Variants in AXIN1 observed in about 807,000 individuals in gnomAD.
AXIN1 encodes the protein axin 1.
Under a neutral mutation model 76.4 loss-of-function variants are expected in AXIN1, and 30 were observed. The observed-to-expected ratio is 0.39, with a 90% CI of 0.29 to 0.53. The LOEUF is 0.53. AXIN1 is among the 20% of genes least tolerant of loss of function. The probability of loss-of-function intolerance (pLI) is 0.66; values close to 1 mark genes in which losing one functional copy is unlikely to be tolerated. For synonymous variants in AXIN1, 545 were observed against 501.4 expected, an observed-to-expected ratio of 1.09 and a Z score of -1.16; for missense variants, 1,140 against 1,198.8, an observed-to-expected ratio of 0.95 and a Z score of 0.72.
intron 8 of AXIN1, 101 bp from the exon 9 acceptor site, chr16:291,398 A>C: frequency 9.5e-7 from 1 of 1,051,194 alleles, no homozygotes; most frequent in Non-Finnish European, 1.4e-6. Context: ...CGGAGCGTGA[A>C]GGGCCCGAAC....
rs141263019 is a variant in AXIN1, at chr16:327,279, T to C, written c.879-12596A>G. On this transcript the variant is annotated intron_variant, in intron 2 of 10. Coordinates refer to ENST00000262320, the MANE Select transcript of AXIN1 (RefSeq NM_003502.4). ...CAGGTGATGGGCTGACCAGACAGCA[T>C]TGAATGACCATGGGGCAGGGCACTC... 2.5e-3 allele frequency among the ~76,000 whole-genome samples: 376 copies of C among 152,124 alleles called. 4 individuals are homozygous for C. Among genetic ancestry groups the C allele is most frequent in the Admixed American group, 0.017 (257 of 15,280 alleles).
chr16:305,527 C>T (rs1240790370), intron 4 of AXIN1, among the ~76,000 whole-genome samples: 1 of 151,886 alleles, frequency 6.6e-6, no homozygotes, highest in Non-Finnish European at 1.5e-5. Flanking sequence ...TACCATATAG[C>T]TTGTTTGTTT....
At chr16:288,668 CGCCAGGCTCT>C (rs906432437) in intron 10 of AXIN1, among the ~76,000 whole-genome samples, 9 of 152,240 alleles carry the variant, frequency 5.9e-5, no homozygotes, top group African/African-American at 1.7e-4. Context: ...GGGAACCACC[CGCCAGGCTCT>C]GCCAGGCTCT....
At chr16:333,512 A>ATTTT (rs1162732283) in intron 2 of AXIN1, among the ~76,000 whole-genome samples, 1 of 152,058 alleles carries the variant, frequency 6.6e-6, no homozygotes, top group African/African-American at 2.4e-5. Flanking sequence ...GCACGATGAA[A>ATTTT]GAAAAAAGCC....
intron 7 of AXIN1, among the ~76,000 whole-genome samples, chr16:294,064 G>A (rs2052642712): frequency 6.6e-6 from 1 of 152,126 alleles, no homozygotes; most frequent in Non-Finnish European, 1.5e-5. Flanking sequence ...TGGAGGCTGG[G>A]GCCCGAGAAT....
chr16:290,800 C>T (rs553028695), intron 9 of AXIN1: 3 of 373,338 alleles, frequency 8.0e-6, no homozygotes, highest in Non-Finnish European at 1.6e-5. Context: ...CCCCGGGCAC[C>T]TCAGCACCTG....
chr16:335,320 C>T (rs369501893), intron 2 of AXIN1, among the ~76,000 whole-genome samples: 2 of 152,162 alleles, frequency 1.3e-5, no homozygotes, highest in African/African-American at 4.8e-5. Context: ...AGGCACACCT[C>T]GGCCACTAGT....
At chr16:335,871 A>T (rs1186692889) in intron 2 of AXIN1, among the ~76,000 whole-genome samples, 1 of 152,242 alleles carries the variant, frequency 6.6e-6, no homozygotes, top group African/African-American at 2.4e-5. Context: ...TTTAAGTTGG[A>T]AAGTAAAATA....
In AXIN1 at chr16:289,091, T is replaced by C. The variant is rs557584282; in HGVS notation, c.2462+349A>G. ...GGAAGCCCTTTTTCTTCTTTTTTTT[T>C]TTTTGGGCGGGGGTAGAGACAGAGT... On this transcript the variant is annotated intron_variant, in intron 10 of 10. Transcript: ENST00000262320. 1.1e-4 allele frequency among the ~76,000 whole-genome samples: 16 copies of C among 151,830 alleles called. 1 individual carries two copies. The South Asian group carries it at 1.2e-3, about 12-fold the overall frequency.
rs976176756 is a variant in AXIN1, at chr16:322,077, C to A, written c.879-7394G>T. Among the ~76,000 whole-genome samples, 17 of 152,312 alleles carry A rather than the reference C, an allele frequency of 1.1e-4. 1 individual carries two copies. The highest frequency in any genetic ancestry group is 7.7e-4 in the East Asian group (4 of 5,188). On this transcript the variant is annotated intron_variant, in intron 2 of 10. Transcript: ENST00000262320. The stretch of plus-strand genomic sequence containing the variant: ...AGCTGGACATGAAGACGGAGGTGGC[C>A]GCACAGACCCAAAGATGCACGACCT...
At chr16:308,373 G>A (rs1281613905) in intron 4 of AXIN1, among the ~76,000 whole-genome samples, 26 of 152,242 alleles carry the variant, frequency 1.7e-4, no homozygotes, top group Admixed American at 1.6e-3. Context: ...ACCCTTCTGA[G>A]GGGAGGTTGT....
In AXIN1 at chr16:346,764, A is replaced by T. The variant is rs2141706706; in HGVS notation, c.262T>A (p.Ser88Thr). Reference sequence around the variant, plus strand: ...TGGTCATCCAGCAGGGAATGCAGTGACTCAGCCCACTTCAAGTATGGTGGG... The same window carrying T: ...TGGTCATCCAGCAGGGAATGCAGTGTCTCAGCCCACTTCAAGTATGGTGGG... ...PTPPYLKWAESLHSLLDDQDG... is the reference protein window; with the variant it reads ...PTPPYLKWAETLHSLLDDQDG... Residue 88 changes from serine to threonine, a missense_variant, in exon 2 of 11, where the codon TCA becomes ACA. By Grantham distance (58) the Ser-to-Thr change is moderately conservative (BLOSUM62 1). Coordinates refer to ENST00000262320, the MANE Select transcript of AXIN1 (RefSeq NM_003502.4). The T allele has an allele frequency of 6.2e-7, 1 of 1,608,554 alleles. No individual in the cohort carries two copies. The highest frequency in any genetic ancestry group is 1.1e-5 in the South Asian group (1 of 90,692).
rs148805888 is a variant in AXIN1, at chr16:336,070, G to A, written c.878+10078C>T. Among the ~76,000 whole-genome samples the A allele has an allele frequency of 9.6e-3, 1,464 of 152,182 alleles. 12 individuals are homozygous for A. The highest frequency in any genetic ancestry group is 0.017 in the South Asian group (84 of 4,832). On this transcript the variant is annotated intron_variant, in intron 2 of 10. Transcript: ENST00000262320. The stretch of plus-strand genomic sequence containing the variant: ...GCCAACATGGTAAAACCTGGTCTCT[G>A]CTAAAAATACAAAAATTAGCTGGGT...
chr16:314,598 C>G lies in AXIN1; in HGVS notation c.964G>C (p.Glu322Gln), dbSNP rs377639730. The G allele has an allele frequency of 1.2e-6, 2 of 1,613,994 alleles. No homozygotes were observed. The highest frequency in any genetic ancestry group is 1.7e-6 in the Non-Finnish European group (2 of 1,179,984). ...GCATCGCTGGACAGGCTCTGCTGCT[C>G]GCTGTCGTTGGCACTGGTGGCTGGG... Reference protein sequence around the residue: ...LAPATSANDSEQQSLSSDADT... With the variant: ...LAPATSANDSQQQSLSSDADT... The change falls in exon 3 of 11, where the codon GAG becomes CAG. Residue 322 changes from glutamate to glutamine, a missense_variant. Around this residue, in one of 3 missense-constraint regions of AXIN1, gnomAD observed 708 missense variants for 776.9 expected, o/e 0.91. Coordinates refer to ENST00000262320, the MANE Select transcript of AXIN1 (RefSeq NM_003502.4).
chr16:287,515 G>A lies in AXIN1; in HGVS notation c.*607C>T, dbSNP rs1256902089. On this transcript the variant is annotated 3_prime_UTR_variant, in exon 11 of 11. Transcript: ENST00000262320. ...GATAATTAATTGTACAAGTGTCATC[G>A]CATGAAAAACAGACTCGGGCAGCCC... The A allele has an allele frequency of 3.1e-5, 10 of 323,562 alleles. No individual in the cohort carries two copies. The highest frequency in any genetic ancestry group is 2.9e-4 in the East Asian group (6 of 20,710). 20.0% of individuals were successfully genotyped at this position (323,562 alleles called of 1,614,324 possible).
chr16:301,036 C>A, intron 5 of AXIN1, among the ~76,000 whole-genome samples: 1 of 151,688 alleles, frequency 6.6e-6, no homozygotes, highest in Non-Finnish European at 1.5e-5. Context: ...TTTGGGAGGC[C>A]GAGGCGGGTG....
intron 1 of AXIN1, among the ~76,000 whole-genome samples, chr16:351,723 T>C (rs1327502038): frequency 6.6e-6 from 1 of 150,816 alleles, no homozygotes; most frequent in Non-Finnish European, 1.5e-5. Flanking sequence ...CTGGGCAATA[T>C]AGTGACACCC....
intron 5 of AXIN1, among the ~76,000 whole-genome samples, chr16:304,079 T>G (rs2052948342): frequency 6.6e-6 from 1 of 152,064 alleles, no homozygotes; most frequent in African/African-American, 2.4e-5. Context: ...GTGACCAAGG[T>G]GGGTCTCTGG....
At chr16:309,004 A>G (rs1400298249) in intron 4 of AXIN1, among the ~76,000 whole-genome samples, 1 of 152,132 alleles carries the variant, frequency 6.6e-6, no homozygotes, top group Non-Finnish European at 1.5e-5. Context: ...CTGCACAGAC[A>G]CTCAGATGGT....
Sources: gnomAD v4.1 joint callset for allele counts (sites outside exome capture counted in the v4.1 genomes callset) on GRCh38, gnomAD v4.1.1 for gene constraint, gnomAD v4.1.1 regional missense constraint, MANE v1.5 for transcripts, NCBI Gene and HGNC (gene_info 2026-07-23, HGNC 2026-07-21) for gene names.